Variants in LPAR1 observed in about 807,000 individuals in gnomAD.
The protein encoded by LPAR1 is lysophosphatidic acid receptor 1.
Under a neutral mutation model 23.8 loss-of-function variants are expected in LPAR1, and 5 were observed. The ratio of observed to expected loss-of-function variants is 0.21; its 90% CI spans 0.11 to 0.44. The LOEUF is 0.44. LPAR1 is among the 20% of genes least tolerant of loss of function. The pLI is 0.99. For missense variants in LPAR1, 311 were observed against 482.8 expected (o/e 0.64, Z 3.33); for synonymous variants, 160 against 164.7 (o/e 0.97, Z 0.22).
chr9:110,947,526 A>G (rs2095423364), intron 4 of LPAR1, among the ~76,000 whole-genome samples: 1 of 152,226 alleles, frequency 6.6e-6, no homozygotes. Context: ...TGATCTCAAA[A>G]TAAGTTATAA....
intron 4 of LPAR1, among the ~76,000 whole-genome samples, chr9:110,947,214 A>C (rs975084089): frequency 9.9e-5 from 15 of 152,212 alleles, no homozygotes; most frequent in Non-Finnish European, 1.9e-4. Context: ...ACACTCATAC[A>C]AAGTCCAATA....
At chr9:110,955,423 G>A (rs1180266487) in intron 4 of LPAR1, among the ~76,000 whole-genome samples, 2 of 152,050 alleles carry the variant, frequency 1.3e-5, no homozygotes, top group Admixed American at 6.6e-5. Flanking sequence ...GAAACAACTA[G>A]ATGTATAATA....
At chr9:111,020,458 G>C (rs917074197) in intron 2 of LPAR1, among the ~76,000 whole-genome samples, 1 of 152,200 alleles carries the variant, frequency 6.6e-6, no homozygotes, top group Non-Finnish European at 1.5e-5. Context: ...AACAATCAGC[G>C]AAGTTCAACT....
At chr9:110,926,974 G>A (rs1588367561) in intron 5 of LPAR1, among the ~76,000 whole-genome samples, 1 of 152,220 alleles carries the variant, frequency 6.6e-6, no homozygotes, top group African/African-American at 2.4e-5. Context: ...CAAAGATTCT[G>A]TTTCAATAGT....
intron 2 of LPAR1, among the ~76,000 whole-genome samples, chr9:110,984,833 G>A (rs78532978): frequency 5.3e-5 from 8 of 150,608 alleles, no homozygotes; most frequent in East Asian, 1.9e-4. Flanking sequence ...GTTGAAATAC[G>A]TGTAACTAAT....
At chr9:111,033,380 T>A (rs527656133) in intron 2 of LPAR1, among the ~76,000 whole-genome samples, 11 of 152,332 alleles carry the variant, frequency 7.2e-5, no homozygotes, top group African/African-American at 2.6e-4. Flanking sequence ...AAATGTATCC[T>A]AAAATAAAGT....
intron 5 of LPAR1, among the ~76,000 whole-genome samples, chr9:110,905,635 G>A (rs1723754003): frequency 6.6e-6 from 1 of 152,096 alleles, no homozygotes; most frequent in Non-Finnish European, 1.5e-5. Flanking sequence ...TTACAGGTGT[G>A]AGCCACGGCA....
intron 5 of LPAR1, among the ~76,000 whole-genome samples, chr9:110,903,640 CCTCAAGGACTTGTAG>C (rs1436484223): frequency 5.9e-5 from 9 of 151,752 alleles, no homozygotes; most frequent in Non-Finnish European, 1.2e-4. Context: ...AAAAACAGAC[CCTCAAGGACTTGTAG>C]CACAATAACA....
intron 3 of LPAR1, 42 bp from the exon 4 acceptor site, chr9:110,972,262 T>C: frequency 1.4e-6 from 1 of 715,818 alleles, no homozygotes; most frequent in Non-Finnish European, 2.5e-6. Flanking sequence ...ATAAAAGGAC[T>C]AGCATATGGG....
At position 110,948,630 on chromosome 9, in the gene LPAR1, C is replaced by T. The variant is rs558484623; in HGVS notation, c.46-6462G>A. 1.1e-4 allele frequency among the ~76,000 whole-genome samples: 17 copies of T among 152,102 alleles called. No individual in the cohort carries two copies. The South Asian group carries it at 3.3e-3, about 30-fold the overall frequency. On this transcript the variant is annotated intron_variant, in intron 4 of 5. Transcript: ENST00000683809. ...TTTCCAAAGAGAATTCTGTGTCAGT[C>T]CTAAGAGGAAGGAATGGAAAAATTC...
chr9:110,958,366 G>C (rs1275513640), intron 4 of LPAR1, among the ~76,000 whole-genome samples: 2 of 152,138 alleles, frequency 1.3e-5, no homozygotes, highest in African/African-American at 2.4e-5. Flanking sequence ...GCATGGTATT[G>C]GTATAAAAAC....
chr9:110,920,076 G>C (rs962282211), intron 5 of LPAR1, among the ~76,000 whole-genome samples: 1 of 152,172 alleles, frequency 6.6e-6, no homozygotes, highest in Admixed American at 6.6e-5. Context: ...ACAGCCAAAG[G>C]CCAGGCTATT....
chr9:110,883,438 A>C (rs1469757659), intron 5 of LPAR1, among the ~76,000 whole-genome samples: 5 of 152,222 alleles, frequency 3.3e-5, no homozygotes, highest in African/African-American at 1.2e-4. Flanking sequence ...AACAAACAAA[A>C]ATTTTTTAAA....
intron 2 of LPAR1, among the ~76,000 whole-genome samples, chr9:110,985,687 G>A (rs960670073): frequency 1.9e-4 from 29 of 152,084 alleles, no homozygotes; most frequent in African/African-American, 7.0e-4. Context: ...TCCTGATGGA[G>A]AGGAATGCTA....
intron 2 of LPAR1, among the ~76,000 whole-genome samples, chr9:111,033,719 T>A (rs1451044913): frequency 6.6e-6 from 1 of 152,098 alleles, no homozygotes; most frequent in African/African-American, 2.4e-5. Flanking sequence ...ACCTGGCTAA[T>A]TTTTTGTATT....
At chr9:110,922,914 C>T (rs560492265) in intron 5 of LPAR1, among the ~76,000 whole-genome samples, 16 of 151,228 alleles carry the variant, frequency 1.1e-4, no homozygotes, top group African/African-American at 3.6e-4. Context: ...TAGGTATACA[C>T]GTGCCATGGT....
chr9:110,879,417 CAAAAAAAAAAA>C (rs71371692), intron 5 of LPAR1, among the ~76,000 whole-genome samples: 6 of 47,174 alleles, frequency 1.3e-4, no homozygotes, highest in African/African-American at 4.9e-4. Context: ...GACTCCATCT[CAAAAAAAAAAA>C]AAAAAAAAAA....
At position 110,875,469 on chromosome 9, in the gene LPAR1, G is replaced by A. The variant is rs1202255479; in HGVS notation, c.1047C>T (p.Asn349=). ...EGSDRSASSL[N]HTILAGVHSN... ...TGTGAACTCCAGCCAAGATGGTGTGGTTGAGGGAGGAAGCCGAGCGGTCTG... is the reference window on the plus strand; with the variant it reads ...TGTGAACTCCAGCCAAGATGGTGTGATTGAGGGAGGAAGCCGAGCGGTCTG... Residue 349 remains asparagine, a synonymous_variant, in exon 6 of 6, where the codon AAC becomes AAT. Coordinates refer to ENST00000683809, the MANE Select transcript of LPAR1 (RefSeq NM_001351411.2). 1.2e-6 allele frequency: 2 copies of A among 1,614,030 alleles called. No individual in the cohort carries two copies. The highest frequency in any genetic ancestry group is 2.7e-5 in the African/African-American group (2 of 75,030).
intron 2 of LPAR1, among the ~76,000 whole-genome samples, chr9:111,008,681 A>T (rs1372275448): frequency 6.6e-6 from 1 of 152,194 alleles, no homozygotes; most frequent in African/African-American, 2.4e-5. Flanking sequence ...ATCTACATGG[A>T]TCTAGGTAGG....
Sources: gnomAD v4.1 joint callset for allele counts (sites outside exome capture counted in the v4.1 genomes callset) on GRCh38, gnomAD v4.1.1 for gene constraint, MANE v1.5 for transcripts, NCBI Gene and HGNC (gene_info 2026-07-23, HGNC 2026-07-21) for gene names.